Variants in PRKN observed in about 807,000 individuals in gnomAD.
PRKN encodes parkin RBR E3 ubiquitin protein ligase.
PRKN carries 56 observed loss-of-function variants against 59.5 expected under a neutral mutation model. The observed-to-expected ratio is 0.94, with a 90% CI of 0.76 to 1.18. The LOEUF (loss-of-function observed/expected upper bound fraction) is 1.18, where lower values mean the gene tolerates loss of function less well. Among genes scored for constraint, PRKN ranks in the 50% most tolerant of loss-of-function variants. The pLI is 0.00. For missense variants in PRKN, 657 were observed against 596.4 expected (o/e 1.10, Z -1.06); for synonymous variants, 250 against 222.1 (o/e 1.13, Z -1.12).
chr6:161,757,886 T>TAC lies in PRKN; in HGVS notation c.871+27884_871+27885dup, dbSNP rs373332894. 2.5e-3 allele frequency among the ~76,000 whole-genome samples: 292 copies of TAC among 116,194 alleles called. 2 individuals are homozygous for TAC. Among genetic ancestry groups the TAC allele is most frequent in the Middle Eastern group, 0.023 (5 of 218 alleles). The allele number at this position is 116,194 out of a possible 152,430, so 76.2% of individuals were successfully genotyped here. On this transcript the variant is annotated intron_variant, in intron 7 of 11. Coordinates refer to ENST00000366898, the MANE Select transcript of PRKN (RefSeq NM_004562.3). ...CTCTCTCTCTCTGTGTATATATATA[T>TAC]ACACACACACACACACACACACACA...
chr6:162,690,715 C>T (rs941508809), intron 1 of PRKN, among the ~76,000 whole-genome samples: 9 of 152,116 alleles, frequency 5.9e-5, no homozygotes, highest in Non-Finnish European at 1.0e-4. Context: ...CCATTTTCCT[C>T]TCGTACTAGA....
chr6:162,028,414 A>AG (rs1783516733), intron 5 of PRKN, among the ~76,000 whole-genome samples: 1 of 152,192 alleles, frequency 6.6e-6, no homozygotes, highest in South Asian at 2.1e-4. Context: ...GGGGCGAGGC[A>AG]GGGGAAGACA....
chr6:162,463,120 G>T (rs1791249163), intron 1 of PRKN, among the ~76,000 whole-genome samples: 1 of 151,922 alleles, frequency 6.6e-6, no homozygotes, highest in African/African-American at 2.4e-5. Flanking sequence ...TCATCTTTGA[G>T]CATGTTAGTA....
chr6:162,074,793 G>A (rs1453507418), intron 4 of PRKN, among the ~76,000 whole-genome samples: 1 of 152,054 alleles, frequency 6.6e-6, no homozygotes, highest in East Asian at 1.9e-4. Flanking sequence ...CCAATGAAAT[G>A]CCAACAACGC....
At chr6:162,269,228 T>G (rs1352282027) in intron 2 of PRKN, among the ~76,000 whole-genome samples, 2 of 152,194 alleles carry the variant, frequency 1.3e-5, no homozygotes, top group Non-Finnish European at 2.9e-5. Context: ...CGTTGCTCTC[T>G]GTTACCAGAC....
chr6:162,444,819 G>A (rs77340675), intron 1 of PRKN, among the ~76,000 whole-genome samples: 454 of 152,178 alleles, frequency 3.0e-3, no homozygotes, highest in African/African-American at 0.01. Context: ...GGATGCTAGG[G>A]GTCAATCTAT....
chr6:162,255,155 AC>A (rs1299190387), intron 3 of PRKN, among the ~76,000 whole-genome samples: 1 of 151,982 alleles, frequency 6.6e-6, no homozygotes, highest in African/African-American at 2.4e-5. Flanking sequence ...AACTAGAGTA[AC>A]CTGACGTCTC....
chr6:161,652,930 G>C (rs1784202466), intron 7 of PRKN, among the ~76,000 whole-genome samples: 1 of 152,190 alleles, frequency 6.6e-6, no homozygotes, highest in Admixed American at 6.5e-5. Context: ...AAAGTACCTA[G>C]ATGGCATTAA....
In PRKN at chr6:161,533,503, C is replaced by T. The variant is rs1258796700; in HGVS notation, c.1083+15351G>A. On this transcript the variant is annotated intron_variant, in intron 9 of 11. Coordinates refer to ENST00000366898, the MANE Select transcript of PRKN (RefSeq NM_004562.3). The surrounding 1 kb of genome is among the most constrained non-coding windows in gnomAD (Gnocchi z 4.1). ...CGGCTCCATCTTCTCTTTTTGCCAGCCACGTGTCCAGTAAGGAGCAGACAA... is the reference window on the plus strand; with the variant it reads ...CGGCTCCATCTTCTCTTTTTGCCAGTCACGTGTCCAGTAAGGAGCAGACAA... Among the ~76,000 whole-genome samples, 1 of 152,108 alleles carries T rather than the reference C, an allele frequency of 6.6e-6. No individual in the cohort carries two copies. The highest frequency in any genetic ancestry group is 2.4e-5 in the African/African-American group (1 of 41,402).
chr6:161,948,282 C>T (rs9346892), intron 6 of PRKN, among the ~76,000 whole-genome samples: 33,927 of 151,944 alleles, frequency 0.22, 4,444 homozygotes, highest in African/African-American at 0.37. Flanking sequence ...CCACCGCGCC[C>T]GGTTGAGATG....
intron 5 of PRKN, among the ~76,000 whole-genome samples, chr6:162,022,182 C>T (rs1249430641): frequency 6.6e-6 from 1 of 151,960 alleles, no homozygotes; most frequent in Non-Finnish European, 1.5e-5. Flanking sequence ...AGAATGATTT[C>T]TTTTCCTTTG....
intron 4 of PRKN, among the ~76,000 whole-genome samples, chr6:162,055,603 G>C (rs1433373883): frequency 1.1e-4 from 16 of 152,130 alleles, no homozygotes; most frequent in Admixed American, 9.2e-4. Flanking sequence ...GGAGGAGGGA[G>C]GGTGGCATCA....
At chr6:162,306,894 C>A (rs1213972126) in intron 2 of PRKN, among the ~76,000 whole-genome samples, 1 of 152,270 alleles carries the variant, frequency 6.6e-6, no homozygotes, top group South Asian at 2.1e-4. Context: ...CCGATGGACA[C>A]GATCACCAGT....
intron 5 of PRKN, among the ~76,000 whole-genome samples, chr6:161,973,817 G>C (rs1429131253): frequency 6.6e-6 from 1 of 152,196 alleles, no homozygotes. Context: ...CAAACAGTAA[G>C]AGGTGAAGCC....
At chr6:162,165,758 G>T (rs1180185272) in intron 4 of PRKN, among the ~76,000 whole-genome samples, 1 of 131,362 alleles carries the variant, frequency 7.6e-6, no homozygotes, top group Non-Finnish European at 1.7e-5. Context: ...ATTTACTCAA[G>T]AGAAGTGAGG....
chr6:162,271,767 T>C (rs894776764), intron 2 of PRKN, among the ~76,000 whole-genome samples: 4 of 152,170 alleles, frequency 2.6e-5, no homozygotes, highest in African/African-American at 7.2e-5. Flanking sequence ...TGCCAATTTA[T>C]ATTAATTGGA....
rs2115136052 is a variant in PRKN at position 161,454,578 on chromosome 6, A to T, written c.1084-67701T>A. ...AGTTTCTTAATATCTGGGGTTTTGA[A>T]ACTGTTAGTTCTTGGAGCAAGCCCA... On this transcript the variant is annotated intron_variant, in intron 9 of 11. Transcript: ENST00000366898. This position sits in a 1 kb window ranked among gnomAD's most constrained non-coding sequence, Gnocchi z 4.6. Among the ~76,000 whole-genome samples the T allele has an allele frequency of 6.6e-6, 1 of 152,272 alleles. No homozygotes were observed. Among genetic ancestry groups the T allele is most frequent in the Middle Eastern group, 3.4e-3 (1 of 294 alleles).
At chr6:162,550,950 G>A (rs368988581) in intron 1 of PRKN, among the ~76,000 whole-genome samples, 3 of 152,074 alleles carry the variant, frequency 2.0e-5, no homozygotes, top group South Asian at 2.1e-4. Flanking sequence ...CATATCCTAC[G>A]CATACCCACC....
chr6:162,360,530 C>T (rs376369113), intron 2 of PRKN, among the ~76,000 whole-genome samples: 2 of 152,086 alleles, frequency 1.3e-5, no homozygotes, highest in African/African-American at 2.4e-5. Context: ...AGTCAGACAT[C>T]TTTTCTTCTT....
Sources: gnomAD v4.1 joint callset for allele counts (sites outside exome capture counted in the v4.1 genomes callset) on GRCh38, gnomAD v4.1.1 for gene constraint, Gnocchi (gnomAD v3.1) non-coding constraint, MANE v1.5 for transcripts, NCBI Gene and HGNC (gene_info 2026-07-23, HGNC 2026-07-21) for gene names.